Variants in TNKS observed in about 807,000 individuals in gnomAD.
TNKS encodes the protein tankyrase, also known as poly [ADP-ribose] polymerase tankyrase-1.
Under a neutral mutation model 135.8 loss-of-function variants are expected in TNKS, and 72 were observed. That is an observed-to-expected ratio of 0.53 (90% CI 0.44 to 0.64). The LOEUF is 0.64. Ranked by LOEUF, TNKS falls within the 30% of genes least tolerant of loss-of-function variation. TNKS has a pLI of 0.00. For missense variants in TNKS, 1,769 were observed against 1,674.0 expected (o/e 1.06, Z -0.99); for synonymous variants, 849 against 649.3 (o/e 1.31, Z -4.68).
intron 9 of TNKS, 48 bp from the exon 10 acceptor site, chr8:9,709,907 G>C (rs1379192227): frequency 7.0e-7 from 1 of 1,423,436 alleles, no homozygotes; most frequent in East Asian, 2.3e-5. Flanking sequence ...AAGAGCTACT[G>C]TACATATGGA....
chr8:9,764,657 T>C, intron 22 of TNKS, 59 bp from the exon 23 acceptor site: 2 of 1,344,976 alleles, frequency 1.5e-6, no homozygotes, highest in Non-Finnish European at 1.0e-6. Flanking sequence ...TTTAGACTCA[T>C]CATTGTCTAG....
At chr8:9,746,130 A>T (rs956314067) in intron 17 of TNKS, among the ~76,000 whole-genome samples, 1 of 152,180 alleles carries the variant, frequency 6.6e-6, no homozygotes, top group Non-Finnish European at 1.5e-5. Context: ...TAATTATCCA[A>T]ACTGACCAAG....
At position 9,720,505 on chromosome 8, in the gene TNKS, A is replaced by T. The variant is rs906119356; in HGVS notation, c.1881A>T (p.Ala627=). 5 of 1,614,014 alleles carry T rather than the reference A, an allele frequency of 3.1e-6. No homozygotes were observed. The highest frequency in any genetic ancestry group is 1.3e-5 in the African/African-American group (1 of 74,946). Residue 627 remains alanine, a synonymous_variant, in exon 12 of 27, where the codon GCA becomes GCT. Transcript: ENST00000310430. ...PSIISLQGFT[A]AQMGNEAVQQ... Reference sequence around the variant, plus strand: ...TCATCTCCTTACAAGGCTTCACAGCAGCACAGATGGGCAATGAAGCAGTGC... The same window carrying T: ...TCATCTCCTTACAAGGCTTCACAGCTGCACAGATGGGCAATGAAGCAGTGC...
At chr8:9,680,070 T>A (rs1466695701) in intron 4 of TNKS, 83 bp downstream of exon 4, 2 of 1,017,370 alleles carry the variant, frequency 2.0e-6, no homozygotes, top group East Asian at 4.8e-5. Context: ...ATAAAAAATA[T>A]AACGTTATTG....
At chr8:9,582,528 C>T (rs1383346516) in intron 2 of TNKS, among the ~76,000 whole-genome samples, 2 of 152,208 alleles carry the variant, frequency 1.3e-5, no homozygotes, top group Non-Finnish European at 1.5e-5. Context: ...TTACCACCAG[C>T]TTACAGGAGA....
At chr8:9,661,679 G>T (rs976565301) in intron 3 of TNKS, among the ~76,000 whole-genome samples, 1 of 152,170 alleles carries the variant, frequency 6.6e-6, no homozygotes, top group African/African-American at 2.4e-5. Context: ...CATGGGCAAG[G>T]ACTTCATGTC....
In TNKS at chr8:9,778,144, TAAAA is replaced by T. The variant is rs10707070; in HGVS notation, c.*1414_*1417del. Reference sequence around the variant, plus strand: ...ATTTACCAAGTGCCATTGACATTTATAAAAAAAAATGATCCTTTATAGTTCTTAC... The same window carrying T: ...ATTTACCAAGTGCCATTGACATTTATAAAAATGATCCTTTATAGTTCTTAC... On this transcript the variant is annotated 3_prime_UTR_variant, in exon 27 of 27. Coordinates refer to ENST00000310430, the MANE Select transcript of TNKS (RefSeq NM_003747.3). 6.6e-6 allele frequency: 1 copy of T among 152,300 alleles called. No individual in the cohort carries two copies. The highest frequency in any genetic ancestry group is 2.4e-5 in the African/African-American group (1 of 41,300). 9.4% of individuals were successfully genotyped at this position (152,300 alleles called of 1,614,324 possible).
chr8:9,669,534 A>G (rs868553470), intron 3 of TNKS, among the ~76,000 whole-genome samples: 5 of 152,162 alleles, frequency 3.3e-5, no homozygotes, highest in African/African-American at 1.2e-4. Context: ...ATGTGTAACT[A>G]GGGATATCAT....
intron 3 of TNKS, among the ~76,000 whole-genome samples, chr8:9,675,292 A>T (rs906775108): frequency 6.6e-6 from 1 of 152,226 alleles, no homozygotes; most frequent in Non-Finnish European, 1.5e-5. Flanking sequence ...GAATCAATTC[A>T]TCTCTTAATT....
intron 13 of TNKS, among the ~76,000 whole-genome samples, chr8:9,727,894 T>C (rs1375396948): frequency 6.6e-6 from 1 of 152,180 alleles, no homozygotes; most frequent in Non-Finnish European, 1.5e-5. Flanking sequence ...GGAGAAATTT[T>C]TATGTTGTCT....
chr8:9,726,799 C>A, intron 13 of TNKS, 79 bp downstream of exon 13: 4 of 1,122,360 alleles, frequency 3.6e-6, no homozygotes, highest in Non-Finnish European at 5.2e-6. Context: ...CTAAGTATAT[C>A]TACTCAAATA....
Position 9,555,999 on chromosome 8 carries a change from C to G in TNKS, c.60C>G (p.Pro20=), listed in dbSNP as rs1018850635. The G allele has an allele frequency of 6.2e-7, 1 of 1,613,326 alleles. No individual in the cohort carries two copies. Among genetic ancestry groups the G allele is most frequent in the Non-Finnish European group, 8.5e-7 (1 of 1,179,874 alleles). ...HHHHHQQQLQ[P]APGASAPPPP... ...ACCATCATCAACAACAGCTCCAGCC[C>G]GCCCCAGGGGCTTCAGCGCCGCCGC... Residue 20 remains proline (P), a synonymous_variant, in exon 1 of 27, where the codon CCC becomes CCG. Coordinates refer to ENST00000310430, the MANE Select transcript of TNKS (RefSeq NM_003747.3).
rs541951189 is a variant in TNKS, at chr8:9,601,281, A to G, written c.899-14301A>G. Among the ~76,000 whole-genome samples the G allele has an allele frequency of 1.2e-3, 190 of 152,278 alleles. 1 individual carries two copies. Among genetic ancestry groups the G allele is most frequent in the African/African-American group, 4.3e-3 (177 of 41,556 alleles). On this transcript the variant is annotated intron_variant, in intron 2 of 26. Transcript: ENST00000310430. ...CATTTGCACATATAAATCTATTTAC[A>G]TATTTTTAAAACATGAACTTTAAAT...
chr8:9,740,826 G>GGTT (rs746780714), intron 17 of TNKS: 1 of 103,566 alleles, frequency 9.7e-6, no homozygotes. Flanking sequence ...AATTCTTGTT[G>GGTT]TTTTTTTTTT....
intron 6 of TNKS, 79 bp downstream of exon 6, chr8:9,704,836 C>A: frequency 9.3e-7 from 1 of 1,080,676 alleles, no homozygotes; most frequent in Non-Finnish European, 1.4e-6. Context: ...TAGACAAAGT[C>A]ATATGTCCCA....
intron 3 of TNKS, among the ~76,000 whole-genome samples, chr8:9,621,767 C>G (rs575020489): frequency 1.1e-4 from 17 of 152,084 alleles, no homozygotes; most frequent in Admixed American, 2.6e-4. Flanking sequence ...ATTAGAAAGT[C>G]TAATTATACA....
chr8:9,572,734 C>G (rs889624392), intron 1 of TNKS, among the ~76,000 whole-genome samples: 1 of 151,994 alleles, frequency 6.6e-6, no homozygotes, highest in Admixed American at 6.6e-5. Context: ...GCACATCAGC[C>G]AAGATACAGG....
chr8:9,669,395 G>A (rs947014895), intron 3 of TNKS, among the ~76,000 whole-genome samples: 3 of 145,596 alleles, frequency 2.1e-5, no homozygotes, highest in Admixed American at 7.0e-5. Context: ...TCCGCAGTCC[G>A]GCCTGCGCGA....
chr8:9,590,412 C>T (rs1314769074), intron 2 of TNKS, among the ~76,000 whole-genome samples: 1 of 152,196 alleles, frequency 6.6e-6, no homozygotes, highest in Non-Finnish European at 1.5e-5. Flanking sequence ...TGTTTGATTA[C>T]TCTTTTATCA....
Sources: gnomAD v4.1 joint callset for allele counts (sites outside exome capture counted in the v4.1 genomes callset) on GRCh38, gnomAD v4.1.1 for gene constraint, MANE v1.5 for transcripts, NCBI Gene and HGNC (gene_info 2026-07-23, HGNC 2026-07-21) for gene names.